RIMS1: variants seen among roughly 807,000 people sequenced by gnomAD.
RIMS1 encodes the protein regulating synaptic membrane exocytosis 1, also known as regulating synaptic membrane exocytosis protein 1.
RIMS1 carries 83 observed loss-of-function variants against 214.1 expected under a neutral mutation model. The ratio of observed to expected loss-of-function variants is 0.39; its 90% confidence interval spans 0.32 to 0.47. RIMS1 has a LOEUF of 0.47. RIMS1 is among the 20% of genes least tolerant of loss of function. The probability of loss-of-function intolerance (pLI) is 0.99; values close to 1 mark genes in which losing one functional copy is unlikely to be tolerated. For synonymous variants in RIMS1, 793 were observed against 786.8 expected (o/e 1.01, Z -0.13); for missense variants, 2,050 against 2,161.8 (o/e 0.95, Z 1.03).
At chr6:72,358,323 A>G (rs1411280127) in intron 29 of RIMS1, among the ~76,000 whole-genome samples, 1 of 152,166 alleles carries the variant, frequency 6.6e-6, no homozygotes, top group Non-Finnish European at 1.5e-5. Context: ...TTTCTGAAAC[A>G]TTTCAATGAG....
At chr6:72,214,108 T>A (rs2054654017) in intron 6 of RIMS1, among the ~76,000 whole-genome samples, 1 of 152,210 alleles carries the variant, frequency 6.6e-6, no homozygotes, top group Non-Finnish European at 1.5e-5. Context: ...TAGTATGTGG[T>A]ACCCAGAAAT....
rs1293721482 is a variant in RIMS1, at chr6:72,009,558, C to A, written c.245+40495C>A. On this transcript the variant is annotated intron_variant, in intron 2 of 33. Coordinates refer to ENST00000521978, the MANE Select transcript of RIMS1 (RefSeq NM_014989.7). ...GGAGCTGGTTTTTTGAAAAGATCAA[C>A]AAAATTGATAGACCGCTAGCAAGAC... 8.6e-5 allele frequency among the ~76,000 whole-genome samples: 13 copies of A among 151,942 alleles called. No individual in the cohort carries two copies. The East Asian group carries it at 2.3e-3, about 27-fold the overall frequency.
At chr6:72,230,669 C>A (rs1420744218) in intron 6 of RIMS1, among the ~76,000 whole-genome samples, 10 of 151,364 alleles carry the variant, frequency 6.6e-5, no homozygotes, top group African/African-American at 2.4e-4. Flanking sequence ...ATCATAATGA[C>A]CTGGGTTTAG....
chr6:72,202,222 A>C (rs2052118266), intron 6 of RIMS1, among the ~76,000 whole-genome samples: 1 of 152,172 alleles, frequency 6.6e-6, no homozygotes, highest in Non-Finnish European at 1.5e-5. Flanking sequence ...GGTTACCATA[A>C]CAGGATACTG....
intron 26 of RIMS1, 134 bp downstream of exon 26, chr6:72,292,180 A>G: frequency 6.5e-6 from 4 of 611,714 alleles, no homozygotes; most frequent in Non-Finnish European, 1.1e-5. Context: ...ATTTTCTTAC[A>G]GTTTTATCCC....
chr6:72,106,165 T>G (rs868293019), intron 4 of RIMS1, among the ~76,000 whole-genome samples: 6 of 152,214 alleles, frequency 3.9e-5, no homozygotes, highest in African/African-American at 1.2e-4. Context: ...ATATGTAAAC[T>G]TCAACAGCAA....
intron 6 of RIMS1, among the ~76,000 whole-genome samples, chr6:72,214,816 G>T (rs1204636772): frequency 6.6e-6 from 1 of 151,892 alleles, no homozygotes; most frequent in Non-Finnish European, 1.5e-5. Flanking sequence ...CTGTCTCCTG[G>T]GTTCAAGCGA....
intron 24 of RIMS1, among the ~76,000 whole-genome samples, chr6:72,288,427 G>A (rs796613558): frequency 1.4e-4 from 21 of 152,210 alleles, no homozygotes; most frequent in African/African-American, 4.6e-4. Flanking sequence ...TTGATGCTCA[G>A]TAAGGAATAG....
chr6:72,108,664 C>G (rs2153817028), intron 4 of RIMS1, among the ~76,000 whole-genome samples: 1 of 151,972 alleles, frequency 6.6e-6, no homozygotes, highest in Non-Finnish European at 1.5e-5. Context: ...AACTTTGAAA[C>G]TTTAAAACTA....
chr6:71,921,685 T>A (rs981705127), intron 1 of RIMS1, among the ~76,000 whole-genome samples: 1 of 152,174 alleles, frequency 6.6e-6, no homozygotes, highest in African/African-American at 2.4e-5. Context: ...AAGTAGTGAA[T>A]CATTCAAAAT....
At chr6:71,953,017 C>T (rs1790107376) in intron 1 of RIMS1, among the ~76,000 whole-genome samples, 2 of 150,206 alleles carry the variant, frequency 1.3e-5, no homozygotes, top group South Asian at 4.2e-4. Context: ...GACAGAGTCT[C>T]ACTTTGTCAC....
intron 2 of RIMS1, among the ~76,000 whole-genome samples, chr6:72,010,250 G>A (rs1809887584): frequency 1.3e-5 from 2 of 152,148 alleles, no homozygotes; most frequent in South Asian, 2.1e-4. Flanking sequence ...CTCAATAGAT[G>A]CAGAAAAGTC....
intron 1 of RIMS1, among the ~76,000 whole-genome samples, chr6:71,961,310 C>G (rs1792884790): frequency 6.6e-6 from 1 of 152,050 alleles, no homozygotes; most frequent in South Asian, 2.1e-4. Context: ...ACCTCCTCAG[C>G]AACTTTGTTT....
At chr6:72,391,502 A>T (rs1185213323) in intron 30 of RIMS1, among the ~76,000 whole-genome samples, 2 of 152,088 alleles carry the variant, frequency 1.3e-5, no homozygotes, top group Non-Finnish European at 2.9e-5. Context: ...TTACATGGAG[A>T]TTCACCACAT....
At chr6:72,199,556 A>C (rs1480562198) in intron 6 of RIMS1, among the ~76,000 whole-genome samples, 1 of 152,108 alleles carries the variant, frequency 6.6e-6, no homozygotes, top group Non-Finnish European at 1.5e-5. Context: ...AATAAAGGTA[A>C]AACTGACAGA....
chr6:71,937,602 G>A (rs1392975072), intron 1 of RIMS1, among the ~76,000 whole-genome samples: 1 of 152,026 alleles, frequency 6.6e-6, no homozygotes, highest in Non-Finnish European at 1.5e-5. Context: ...GGGTCTTTTT[G>A]CTGCATCATA....
At chr6:72,193,085 G>A (rs1830335) in intron 6 of RIMS1, among the ~76,000 whole-genome samples, 72,854 of 152,152 alleles carry the variant, frequency 0.48, 18,626 homozygotes, top group East Asian at 0.83. Flanking sequence ...CAGTGAGCAT[G>A]GAATCAGACA....
intron 27 of RIMS1, among the ~76,000 whole-genome samples, chr6:72,310,483 A>G (rs537653951): frequency 2.0e-5 from 3 of 152,188 alleles, no homozygotes; most frequent in Non-Finnish European, 4.4e-5. Flanking sequence ...ATTCACATTT[A>G]GGTACTCACA....
chr6:71,911,966 G>A (rs62407749), intron 1 of RIMS1, among the ~76,000 whole-genome samples: 50 of 152,206 alleles, frequency 3.3e-4, no homozygotes, highest in Non-Finnish European at 5.7e-4. Context: ...AGGAGAAAAT[G>A]CTTTCCCCTC....
Sources: gnomAD v4.1 joint callset for allele counts (sites outside exome capture counted in the v4.1 genomes callset) on GRCh38, gnomAD v4.1.1 for gene constraint, MANE v1.5 for transcripts, NCBI Gene and HGNC (gene_info 2026-07-23, HGNC 2026-07-21) for gene names.